The following PANK1 variants were observed in gnomAD, a reference collection of about 807,000 sequenced individuals.
The protein encoded by PANK1 is pantothenic acid kinase 1.
In PANK1, 18 loss-of-function variants were observed where a neutral mutation model predicts 40.1. The observed-to-expected ratio is 0.45, with a 90% CI of 0.31 to 0.67. The LOEUF (loss-of-function observed/expected upper bound fraction) is 0.67, where lower values mean the gene tolerates loss of function less well. PANK1 is among the 30% of genes least tolerant of loss of function. The pLI is 0.06. For missense variants in PANK1, 457 were observed against 599.6 expected (o/e 0.76, Z 2.48); for synonymous variants, 242 against 237.7 (o/e 1.02, Z -0.17).
chr10:89,608,189 G>A (rs895901783), intron 2 of PANK1, among the ~76,000 whole-genome samples: 1 of 151,922 alleles, frequency 6.6e-6, no homozygotes, highest in Non-Finnish European at 1.5e-5. Flanking sequence ...CCGCGACCAC[G>A]CCCGGCTGAT....
At chr10:89,587,078 G>A (rs1455460696) in intron 6 of PANK1, among the ~76,000 whole-genome samples, 1 of 151,662 alleles carries the variant, frequency 6.6e-6, no homozygotes, top group African/African-American at 2.4e-5. Flanking sequence ...AGCCAAGATT[G>A]CGCCACTGCA....
intron 1 of PANK1, among the ~76,000 whole-genome samples, chr10:89,643,005 G>GCA (rs1035770976): frequency 1.3e-5 from 2 of 152,146 alleles, no homozygotes; most frequent in East Asian, 3.9e-4. Context: ...CTGTGGGTTT[G>GCA]CAAGCACAAG....
At chr10:89,627,195 A>G (rs1309101279) in intron 1 of PANK1, among the ~76,000 whole-genome samples, 2 of 151,940 alleles carry the variant, frequency 1.3e-5, no homozygotes, top group Non-Finnish European at 2.9e-5. Flanking sequence ...TGTGGTTCCA[A>G]TCACGGATTG....
At chr10:89,640,657 T>C (rs975086340) in intron 1 of PANK1, among the ~76,000 whole-genome samples, 1 of 152,208 alleles carries the variant, frequency 6.6e-6, no homozygotes, top group Non-Finnish European at 1.5e-5. Context: ...TTAATTTTCA[T>C]GATAATTGGC....
intron 6 of PANK1, among the ~76,000 whole-genome samples, chr10:89,586,537 T>C (rs767273450): frequency 6.6e-6 from 1 of 152,230 alleles, no homozygotes; most frequent in Admixed American, 6.5e-5. Flanking sequence ...ACCTGTTTCA[T>C]ATACTTTAAT....
At chr10:89,586,628 A>G (rs1844204804) in intron 6 of PANK1, among the ~76,000 whole-genome samples, 1 of 152,262 alleles carries the variant, frequency 6.6e-6, no homozygotes, top group Non-Finnish European at 1.5e-5. Flanking sequence ...CAGCTTAAAA[A>G]TGAGAAAAAA....
chr10:89,616,934 C>T (rs1815338), intron 1 of PANK1, among the ~76,000 whole-genome samples: 22,993 of 151,794 alleles, frequency 0.15, 2,205 homozygotes, highest in East Asian at 0.45. Flanking sequence ...AAAAGAGTAT[C>T]TTACTGGATA....
intron 1 of PANK1, among the ~76,000 whole-genome samples, chr10:89,633,740 G>A (rs1379204186): frequency 6.6e-6 from 1 of 152,152 alleles, no homozygotes; most frequent in Admixed American, 6.5e-5. Context: ...GCAGAGTCTA[G>A]CACAGTGCCT....
chr10:89,600,738 A>G (rs1262742949), intron 2 of PANK1, among the ~76,000 whole-genome samples: 2 of 152,188 alleles, frequency 1.3e-5, no homozygotes, highest in Non-Finnish European at 2.9e-5. Context: ...TATGATCCTC[A>G]AATATATTAC....
At position 89,644,990 on chromosome 10, in the gene PANK1, T is replaced by C; in HGVS notation, c.-99A>G. 1 of 1,576,370 alleles carries C rather than the reference T, an allele frequency of 6.3e-7. No individual in the cohort carries two copies. On this transcript the variant is annotated 5_prime_UTR_variant, in exon 1 of 7. Coordinates refer to ENST00000307534, the MANE Select transcript of PANK1 (RefSeq NM_148977.3). ...ATTTCCCCGGATCCTCCCTGCGGCTTCCGATTCAGCAGCCGCAGAGCCGGC... is the reference window on the plus strand; with the variant it reads ...ATTTCCCCGGATCCTCCCTGCGGCTCCCGATTCAGCAGCCGCAGAGCCGGC...
rs1251706735 is a variant in PANK1 at position 89,645,093 on chromosome 10, C to A, written c.-202G>T. On this transcript the variant is annotated 5_prime_UTR_variant, in exon 1 of 7. Coordinates refer to ENST00000307534, the MANE Select transcript of PANK1 (RefSeq NM_148977.3). Reference sequence around the variant, plus strand: ...CCTCCTCTGCGCCCTGCCCCCCGCGCGCCGGCCCCACGGCGCCGGCCTGGA... The same window carrying A: ...CCTCCTCTGCGCCCTGCCCCCCGCGAGCCGGCCCCACGGCGCCGGCCTGGA... 3.4e-6 allele frequency: 5 copies of A among 1,488,504 alleles called. No homozygotes were observed. In the East Asian group the frequency reaches 1.1e-4, roughly 34 times the overall value. The allele number at this position is 1,488,504 out of a possible 1,614,324, so 92.2% of individuals were successfully genotyped here.
chr10:89,616,305 C>A (rs1845312014), intron 1 of PANK1, among the ~76,000 whole-genome samples: 1 of 152,120 alleles, frequency 6.6e-6, no homozygotes, highest in Non-Finnish European at 1.5e-5. Context: ...AGATAAATTT[C>A]TATACATTGC....
intron 1 of PANK1, 126 bp downstream of exon 1, chr10:89,644,474 A>G (rs889459797): frequency 9.0e-6 from 7 of 775,554 alleles, no homozygotes; most frequent in African/African-American, 1.9e-5. Flanking sequence ...TACTCTGTGC[A>G]GTCCCTCGAC....
rs369521978 is a variant in PANK1, at chr10:89,584,409, C to T, written c.1383G>A (p.Lys461=). Residue 461 remains lysine, a synonymous_variant, in exon 7 of 7, where the codon AAG becomes AAA. Transcript: ENST00000307534. The part of the protein sequence containing the change: ...LLELFKMTDD[K] Reference sequence around the variant, plus strand: ...CTGTTTCCTCCACTGCTCGTCTCTACTTGTCATCAGTCATTTTGAACAGTT... The same window carrying T: ...CTGTTTCCTCCACTGCTCGTCTCTATTTGTCATCAGTCATTTTGAACAGTT... 4 of 1,597,024 alleles carry T rather than the reference C, an allele frequency of 2.5e-6. No homozygotes were observed. The African/African-American group carries it at 5.4e-5, about 21-fold the overall frequency.
intron 3 of PANK1, among the ~76,000 whole-genome samples, chr10:89,595,833 AATATATATATATATATATAT>A (rs369831755): frequency 0.012 from 393 of 33,778 alleles, 15 homozygotes; most frequent in African/African-American, 0.057. Context: ...AAAAAAAAAA[AATATATATATATATATATAT>A]ATATATATAT....
chr10:89,596,893 C>T (rs550029201), intron 3 of PANK1, among the ~76,000 whole-genome samples: 1 of 152,278 alleles, frequency 6.6e-6, no homozygotes, highest in Admixed American at 6.5e-5. Context: ...ATTACACATT[C>T]TACTGTCAGC....
chr10:89,612,122 A>C, intron 1 of PANK1, 74 bp from the exon 2 acceptor site: 1 of 1,193,616 alleles, frequency 8.4e-7, no homozygotes, highest in Non-Finnish European at 1.2e-6. Context: ...AATATTAAAT[A>C]AGCAAAAGCA....
Position 89,611,861 on chromosome 10 carries a change from G to C in PANK1, c.480C>G (p.Asn160Lys). Residue 160 changes from asparagine to lysine, a missense_variant, in exon 2 of 7, where the codon AAC becomes AAG. Physicochemically the swap from Asn to Lys is moderately conservative, Grantham distance 94. Coordinates refer to ENST00000307534, the MANE Select transcript of PANK1 (RefSeq NM_148977.3). ...TCCCTTTGCGTCCACACATGGTCAG[G>C]TTTTTCAGTTCCAGGTGGACGTCTC... ...GIRDVHLELK[N>K]LTMCGRKGNL... 1 of 1,614,176 alleles carries C rather than the reference G, an allele frequency of 6.2e-7. No homozygotes were observed. The highest frequency in any genetic ancestry group is 8.5e-7 in the Non-Finnish European group (1 of 1,180,028).
intron 1 of PANK1, 21 bp downstream of exon 1, chr10:89,644,579 T>TC: frequency 6.3e-7 from 1 of 1,576,180 alleles, no homozygotes; most frequent in African/African-American, 1.4e-5. Context: ...GCGCCCGCGC[T>TC]CCCCTCCCAG....
Sources: allele counts gnomAD v4.1 joint callset (sites outside exome capture counted in the v4.1 genomes callset), GRCh38; gene constraint gnomAD v4.1.1; transcripts MANE v1.5; gene names NCBI Gene and HGNC (gene_info 2026-07-23, HGNC 2026-07-21).